The following CHD7 variants were observed in gnomAD, a reference collection of about 807,000 sequenced individuals.
CHD7 encodes chromodomain helicase DNA binding protein 7.
CHD7 carries 24 observed loss-of-function variants against 307.3 expected under a neutral mutation model. That is an observed-to-expected ratio of 0.08 (90% CI 0.06 to 0.11). CHD7 has a LOEUF of 0.11. Among genes scored for constraint, CHD7 ranks in the 10% least tolerant of loss-of-function variants. CHD7 has a pLI of 1.00. For missense variants in CHD7, 3,106 were observed against 3,727.1 expected (o/e 0.83, Z 4.34); for synonymous variants, 1,363 against 1,349.9 (o/e 1.01, Z -0.21).
Position 60,838,008 on chromosome 8 carries a change from A to ATT in CHD7, c.4354-66_4354-65dup, listed in dbSNP as rs1804813998. Reference sequence around the variant, plus strand: ...TTACTCTCTTTGAGAAAAATGCAGCATTTGTTTAGTCTGCAAACCTCTTAA... The same window carrying ATT: ...TTACTCTCTTTGAGAAAAATGCAGCATTTTTGTTTAGTCTGCAAACCTCTTAA... On this transcript the variant is annotated intron_variant, in intron 18 of 37. Transcript: ENST00000423902. 4 of 1,316,942 alleles carry ATT rather than the reference A, an allele frequency of 3.0e-6. No individual in the cohort carries two copies. In the South Asian group the frequency reaches 6.8e-5, roughly 22 times the overall value. 81.6% of individuals were successfully genotyped at this position (1,316,942 alleles called of 1,614,324 possible).
intron 1 of CHD7, among the ~76,000 whole-genome samples, chr8:60,699,476 C>G (rs1356089227): frequency 6.6e-6 from 1 of 152,018 alleles, no homozygotes; most frequent in Non-Finnish European, 1.5e-5. Flanking sequence ...CTAGAGGGAG[C>G]CAGCGTAATG....
intron 7 of CHD7, among the ~76,000 whole-genome samples, chr8:60,809,261 T>G (rs1381645439): frequency 1.3e-5 from 2 of 152,216 alleles, no homozygotes; most frequent in Admixed American, 6.5e-5. Context: ...TCATGAGAGT[T>G]CAATGAAATA....
chr8:60,760,509 A>G (rs2150618240), intron 2 of CHD7, among the ~76,000 whole-genome samples: 1 of 143,132 alleles, frequency 7.0e-6, no homozygotes, highest in East Asian at 2.0e-4. Flanking sequence ...TAATTAAACT[A>G]AAGAGCTTCT....
chr8:60,787,829 CTTTTTTTTT>C (rs33993174), intron 3 of CHD7, among the ~76,000 whole-genome samples: 2 of 108,826 alleles, frequency 1.8e-5, no homozygotes, highest in Non-Finnish European at 3.8e-5. Context: ...GATTTTCTTT[CTTTTTTTTT>C]TTTTTTTTTT....
chr8:60,856,570 T>G lies in CHD7; in HGVS notation c.7290T>G (p.Ser2430=), dbSNP rs1205030023. 1 of 1,614,002 alleles carries G rather than the reference T, an allele frequency of 6.2e-7. No individual in the cohort carries two copies. Among genetic ancestry groups the G allele is most frequent in the East Asian group, 2.2e-5 (1 of 44,884 alleles). ...AGATGGTTGCCCAGCTTCGAGAGTC[T>G]CAGGTGGTCTCAGAAAATGGACAAG... The part of the protein sequence containing the change: ...LMEMVAQLRE[S]QVVSENGQEK... Residue 2430 remains serine, a synonymous_variant, in exon 34 of 38, where the codon TCT becomes TCG. Transcript: ENST00000423902.
chr8:60,798,684 C>A (rs1812146529), intron 4 of CHD7, among the ~76,000 whole-genome samples: 1 of 152,114 alleles, frequency 6.6e-6, no homozygotes, highest in Non-Finnish European at 1.5e-5. Flanking sequence ...AGTGTTATTT[C>A]ATAATTCTTA....
chr8:60,723,266 A>G (rs921551339), intron 1 of CHD7, among the ~76,000 whole-genome samples: 3 of 152,094 alleles, frequency 2.0e-5, no homozygotes, highest in Non-Finnish European at 4.4e-5. Flanking sequence ...AAAACTGTCA[A>G]TTGTTTTCTT....
chr8:60,821,943 T>A lies in CHD7; in HGVS notation c.2835+16T>A, dbSNP rs1804061478. On this transcript the variant is annotated intron_variant, in intron 10 of 37. Transcript: ENST00000423902. ...AGAGCGTGTGGTAAGAATTGGCTGA[T>A]GGTAGAGAATTTAATTTGAAAATAG... 1.2e-6 allele frequency: 2 copies of A among 1,613,088 alleles called. No homozygotes were observed. Among genetic ancestry groups the A allele is most frequent in the African/African-American group, 2.7e-5 (2 of 74,856 alleles).
chr8:60,705,614 T>G (rs1806987292), intron 1 of CHD7, among the ~76,000 whole-genome samples: 1 of 152,246 alleles, frequency 6.6e-6, no homozygotes, highest in Non-Finnish European at 1.5e-5. Flanking sequence ...TGTTACCAGT[T>G]TAATTTATGA....
intron 4 of CHD7, among the ~76,000 whole-genome samples, chr8:60,798,419 T>A (rs1260444018): frequency 6.6e-6 from 1 of 152,210 alleles, no homozygotes; most frequent in Non-Finnish European, 1.5e-5. Flanking sequence ...GCTAACAATA[T>A]CTAACTATCT....
chr8:60,823,393 A>G (rs919485417), intron 12 of CHD7, among the ~76,000 whole-genome samples: 13 of 99,876 alleles, frequency 1.3e-4, no homozygotes, highest in Non-Finnish European at 2.0e-4. Flanking sequence ...TTTTTGCTAT[A>G]TATAGATAGA....
At position 60,862,266 on chromosome 8, in the gene CHD7, A is replaced by G. The variant is rs1012221437; in HGVS notation, c.7901A>G (p.Asn2634Ser). The G allele has an allele frequency of 6.2e-6, 10 of 1,611,582 alleles. No homozygotes were observed. The Admixed American group carries it at 1.3e-4, about 22-fold the overall frequency. ...KQKRHRCRNP[N>S]KLDINTLTGE... ...AAACGACATAGATGTCGAAACCCTA[A>G]TAAATTGGATATAAACACTTTGACA... is the stretch of plus-strand genomic sequence containing the variant. The change falls in exon 36 of 38, where the codon AAT (asparagine) becomes AGT (serine). Residue 2634 changes from asparagine to serine, a missense_variant. Asn to Ser is a conservative substitution (Grantham distance 46, BLOSUM62 1). Coordinates refer to ENST00000423902, the MANE Select transcript of CHD7 (RefSeq NM_017780.4).
At chr8:60,799,617 A>G (rs1183181293) in intron 4 of CHD7, among the ~76,000 whole-genome samples, 1 of 152,250 alleles carries the variant, frequency 6.6e-6, no homozygotes, top group East Asian at 1.9e-4. Context: ...GGTTAGTATT[A>G]TAACAATATT....
At chr8:60,686,976 TCA>T (rs1202666890) in intron 1 of CHD7, among the ~76,000 whole-genome samples, 1 of 152,246 alleles carries the variant, frequency 6.6e-6, no homozygotes, top group Middle Eastern at 3.2e-3. Flanking sequence ...AGATGGGGTC[TCA>T]CAATACTGTC....
intron 7 of CHD7, among the ~76,000 whole-genome samples, chr8:60,815,086 T>C (rs555721186): frequency 7.2e-5 from 11 of 152,360 alleles, no homozygotes; most frequent in African/African-American, 2.4e-4. Flanking sequence ...TGTGTGTGTA[T>C]GTACAGCATT....
At chr8:60,724,146 G>A (rs151173869) in intron 1 of CHD7, among the ~76,000 whole-genome samples, 125 of 152,338 alleles carry the variant, frequency 8.2e-4, no homozygotes, top group African/African-American at 2.0e-3. Context: ...ATCTGGGGAG[G>A]TAGTTCGTCG....
intron 35 of CHD7, chr8:60,861,905 G>A (rs1476789064): frequency 4.7e-6 from 1 of 211,388 alleles, no homozygotes; most frequent in Admixed American, 5.6e-5. Flanking sequence ...ACTACAGAAA[G>A]CCTCCTTTAA....
At chr8:60,696,948 T>G (rs1415349380) in intron 1 of CHD7, among the ~76,000 whole-genome samples, 1 of 151,676 alleles carries the variant, frequency 6.6e-6, no homozygotes, top group Non-Finnish European at 1.5e-5. Context: ...CTCCCCCACT[T>G]TTTTTTTAAA....
At chr8:60,855,546 A>G (rs982828823) in intron 32 of CHD7, among the ~76,000 whole-genome samples, 3 of 152,212 alleles carry the variant, frequency 2.0e-5, no homozygotes, top group African/African-American at 4.8e-5. Flanking sequence ...TGGGACTGCA[A>G]TCCAGCCTGT....
Sources: allele counts gnomAD v4.1 joint callset (sites outside exome capture counted in the v4.1 genomes callset), GRCh38; gene constraint gnomAD v4.1.1; transcripts MANE v1.5; gene names NCBI Gene and HGNC (gene_info 2026-07-23, HGNC 2026-07-21).